IL4I1: variants seen among roughly 807,000 people sequenced by gnomAD.
IL4I1 encodes L-amino-acid oxidase.
Under a neutral mutation model 29.7 loss-of-function variants are expected in IL4I1, and 24 were observed. That is an observed-to-expected ratio of 0.81 (90% CI 0.59 to 1.14). The LOEUF is 1.14. Among genes scored for constraint, IL4I1 ranks in the 50% most tolerant of loss-of-function variants. The probability of loss-of-function intolerance (pLI) is 0.00; values close to 1 mark genes in which losing one functional copy is unlikely to be tolerated. For missense variants in IL4I1, 686 were observed against 785.6 expected, an observed-to-expected ratio of 0.87 and a Z score of 1.52; for synonymous variants, 371 against 352.5, an observed-to-expected ratio of 1.05 and a Z score of -0.59.
At chr19:49,893,225 G>C (rs891858913) in intron 5 of IL4I1, among the ~76,000 whole-genome samples, 2 of 152,128 alleles carry the variant, frequency 1.3e-5, no homozygotes, top group African/African-American at 4.8e-5. Context: ...GGGTGTGTGG[G>C]AAGACGTTTC....
rs1315915425 is a variant in IL4I1 at position 49,902,531 on chromosome 19, CA to C, written c.-104-711del. On this transcript the variant is annotated intron_variant, in intron 3 of 9. Transcript: ENST00000341114. ...CACTGAAAAACAAAACAAAACAAAA[CA>C]AAAAAACAGTTTAGGCCGGGCATGG... 2.6e-5 allele frequency among the ~76,000 whole-genome samples: 4 copies of C among 151,698 alleles called. No individual in the cohort carries two copies. The East Asian group carries it at 7.8e-4, about 29-fold the overall frequency.
rs1600475112 is a variant in IL4I1, at chr19:49,896,825, G to A, written c.-23+10C>T. On this transcript the variant is annotated intron_variant, in intron 1 of 7. Transcript: ENST00000391826. Reference sequence around the variant, plus strand: ...TCTCTCTGTCCCCCCACCACTGGCCGTGTCACTACCTCCAGCTCTTGGTGA... The same window carrying A: ...TCTCTCTGTCCCCCCACCACTGGCCATGTCACTACCTCCAGCTCTTGGTGA... 2 of 986,514 alleles carry A rather than the reference G, an allele frequency of 2.0e-6. No homozygotes were observed. Among genetic ancestry groups the A allele is most frequent in the Admixed American group, 6.1e-5 (1 of 16,336 alleles). The allele number at this position is 986,514 out of a possible 1,614,324, so 61.1% of individuals were successfully genotyped here.
chr19:49,914,726 G>GCTTTTTT (rs2075575319), intron 2 of IL4I1, among the ~76,000 whole-genome samples: 1 of 56,362 alleles, frequency 1.8e-5, no homozygotes, highest in African/African-American at 6.5e-5. Flanking sequence ...CCAAGTCCCA[G>GCTTTTTT]TTTTTTTTTT....
intron 2 of IL4I1, among the ~76,000 whole-genome samples, chr19:49,911,574 G>A (rs934807616): frequency 2.0e-5 from 3 of 151,998 alleles, no homozygotes; most frequent in African/African-American, 7.2e-5. Flanking sequence ...GCACCCTTCT[G>A]CTTCCTCACA....
Position 49,890,256 on chromosome 19 carries a change from T to C in IL4I1, c.1118A>G (p.His373Arg), listed in dbSNP as rs1413104945. The change falls in exon 8 of 8, where the codon CAC becomes CGC. Residue 373 changes from histidine to arginine, a missense_variant. Transcript: ENST00000391826. The part of the protein sequence containing the change: ...FWREEHIEGG[H>R]SNTDRPSRMI... ...GCGCGACGGGCGATCGGTGTTTGAG[T>C]GGCCGCCTTCAATGTGCTCCTCGCG... The C allele has an allele frequency of 6.3e-7, 1 of 1,575,926 alleles. No individual in the cohort carries two copies. Among genetic ancestry groups the C allele is most frequent in the East Asian group, 2.4e-5 (1 of 42,346 alleles).
At chr19:49,897,145 C>G (rs910209456), upstream of IL4I1, among the ~76,000 whole-genome samples, 1 of 152,176 alleles carries the variant, frequency 6.6e-6, no homozygotes, top group African/African-American at 2.4e-5. Flanking sequence ...CGGGGAATCC[C>G]CTTCGGTTTG....
intron 2 of IL4I1, among the ~76,000 whole-genome samples, chr19:49,924,029 T>G (rs1176916485): frequency 6.6e-6 from 1 of 152,062 alleles, no homozygotes; most frequent in African/African-American, 2.4e-5. Flanking sequence ...GTTGCGGCAA[T>G]AGCAGGGCGA....
intron 5 of IL4I1, among the ~76,000 whole-genome samples, chr19:49,892,361 C>T (rs576126708): frequency 9.2e-5 from 14 of 152,250 alleles, no homozygotes; most frequent in African/African-American, 3.1e-4. Context: ...GGATTACAGG[C>T]GTGAGCCACT....
chr19:49,897,603 C>T (rs2075228023), upstream of IL4I1, among the ~76,000 whole-genome samples: 1 of 152,224 alleles, frequency 6.6e-6, no homozygotes, highest in South Asian at 2.1e-4. Context: ...CGCAGGGGCA[C>T]TCAGGGGTTC....
chr19:49,923,763 TAGAA>T (rs1046084977), intron 2 of IL4I1, among the ~76,000 whole-genome samples: 6 of 152,214 alleles, frequency 3.9e-5, no homozygotes, highest in Admixed American at 6.5e-5. Flanking sequence ...AACTGAGTCA[TAGAA>T]AGAGGATGCC....
chr19:49,909,284 G>A, intron 2 of IL4I1: 1 of 1,614,156 alleles, frequency 6.2e-7, no homozygotes, highest in Non-Finnish European at 8.5e-7. Flanking sequence ...ATTCCCTGCT[G>A]AGCCAATGTT....
chr19:49,909,906 T>C (rs2075419985), intron 2 of IL4I1: 7 of 1,340,468 alleles, frequency 5.2e-6, no homozygotes, highest in South Asian at 2.4e-5. Flanking sequence ...GAAGTGACAT[T>C]GTCAGATGGC....
Position 49,890,099 on chromosome 19 carries a change from T to C in IL4I1, c.1275A>G (p.Ala425=). 1 of 1,545,006 alleles carries C rather than the reference T, an allele frequency of 6.5e-7. No homozygotes were observed. Among genetic ancestry groups the C allele is most frequent in the Non-Finnish European group, 8.7e-7 (1 of 1,145,660 alleles). Residue 425 remains alanine (A), a synonymous_variant, in exon 8 of 8, where the codon GCA becomes GCG. Coordinates refer to ENST00000391826, the MANE Select transcript of IL4I1 (RefSeq NM_152899.2). ...GCTGGCGCACGACAGGCCCGTGCAA[T>C]GCCGCCACGTCGTCGAGCGCCAAGC... ...ALRLALDDVA[A]LHGPVVRQLW... is the part of the protein sequence containing the mutation.
At chr19:49,926,472 G>A (rs900463331) in intron 2 of IL4I1, among the ~76,000 whole-genome samples, 1 of 152,108 alleles carries the variant, frequency 6.6e-6, no homozygotes, top group Non-Finnish European at 1.5e-5. Context: ...GGAGGTTGAA[G>A]TGAGCCAAGA....
chr19:49,908,355 G>A (rs779414081), intron 2 of IL4I1: 1 of 1,614,198 alleles, frequency 6.2e-7, no homozygotes, highest in Non-Finnish European at 8.5e-7. Flanking sequence ...ATCCACTGCA[G>A]TGAGTCCATG....
At chr19:49,898,295 T>C (rs776976646), upstream of IL4I1, among the ~76,000 whole-genome samples, 8 of 152,066 alleles carry the variant, frequency 5.3e-5, no homozygotes, top group Non-Finnish European at 1.2e-4. Context: ...CACTCTAGCC[T>C]GGGTGACAGA....
At chr19:49,890,842 C>A in intron 7 of IL4I1, 129 bp downstream of exon 7, 1 of 876,724 alleles carries the variant, frequency 1.1e-6, no homozygotes, top group South Asian at 1.8e-5. Context: ...CCCTTAGCCC[C>A]GCGACCATCA....
Position 49,894,360 on chromosome 19 carries a change from C to T in IL4I1, c.475G>A (p.Val159Met). 3 of 1,614,244 alleles carry T rather than the reference C, an allele frequency of 1.9e-6. No individual in the cohort carries two copies. The highest frequency in any genetic ancestry group is 2.5e-6 in the Non-Finnish European group (3 of 1,180,050). Residue 159 changes from valine (V) to methionine (M), a missense_variant, in exon 5 of 8, where the codon GTG becomes ATG. Val to Met is a conservative substitution (Grantham distance 21, BLOSUM62 1). Coordinates refer to ENST00000391826, the MANE Select transcript of IL4I1 (RefSeq NM_152899.2). ...CCCAGCTTCTCGGGCACCTTCTCCA[C>T]CACATAGTTGCGCAGCTTCACTTCG... ...VHEVKLRNYVVEKVPEKLGYA... is the reference protein window; with the variant it reads ...VHEVKLRNYVMEKVPEKLGYA...
chr19:49,893,894 G>A (rs748444475), intron 5 of IL4I1, among the ~76,000 whole-genome samples: 2 of 146,620 alleles, frequency 1.4e-5, no homozygotes, highest in Non-Finnish European at 3.0e-5. Context: ...GGCTGAGGCA[G>A]AGAATTGCTT....
Sources: allele counts gnomAD v4.1 joint callset (sites outside exome capture counted in the v4.1 genomes callset), GRCh38; gene constraint gnomAD v4.1.1; transcripts MANE v1.5; gene names NCBI Gene and HGNC (gene_info 2026-07-23, HGNC 2026-07-21).